PAFAH1B2: variants seen among roughly 807,000 people sequenced by gnomAD.
PAFAH1B2 encodes the protein platelet-activating factor acetylhydrolase IB subunit alpha2.
PAFAH1B2 carries 8 observed loss-of-function variants against 28.0 expected under a neutral mutation model. The observed-to-expected ratio is 0.29, with a 90% CI of 0.17 to 0.52. The LOEUF (loss-of-function observed/expected upper bound fraction) is 0.52. PAFAH1B2 is among the 20% of genes least tolerant of loss of function. PAFAH1B2 has a pLI of 0.97. For synonymous variants in PAFAH1B2, 104 were observed against 103.2 expected (o/e 1.01, Z -0.05); for missense variants, 190 against 282.6 (o/e 0.67, Z 2.35).
At position 117,168,444 on chromosome 11, in the gene PAFAH1B2, CCGTTTTTTTTTTTTTTTTTTTTTT is replaced by C. The variant is rs1239266405; in HGVS notation, c.*746_*769del. 1 of 438,060 alleles carries C rather than the reference CCGTTTTTTTTTTTTTTTTTTTTTT, an allele frequency of 2.3e-6. No homozygotes were observed. The highest frequency in any genetic ancestry group is 2.7e-6 in the Non-Finnish European group (1 of 370,204). The allele number at this position is 438,060 out of a possible 1,614,324, so 27.1% of individuals were successfully genotyped here. On this transcript the variant is annotated 3_prime_UTR_variant, in exon 6 of 6. Transcript: ENST00000527958. ...TTTCCCCTTCATTCCCCCCGCCACC[CCGTTTTTTTTTTTTTTTTTTTTTT>C]TTTGGTTCTTGTTGACATTACAAGC...
Position 117,171,013 on chromosome 11 carries a change from A to G in PAFAH1B2, c.*3314A>G. On this transcript the variant is annotated 3_prime_UTR_variant, in exon 6 of 6. Transcript: ENST00000527958. ...AGTAGAACTCATTCTGTTTTAGTGTATATTTCAATATAAATGTAAACATTT... is the reference window on the plus strand; with the variant it reads ...AGTAGAACTCATTCTGTTTTAGTGTGTATTTCAATATAAATGTAAACATTT... The G allele has an allele frequency of 1.9e-6, 2 of 1,038,216 alleles. No individual in the cohort carries two copies. Among genetic ancestry groups the G allele is most frequent in the African/African-American group, 3.4e-5 (2 of 59,678 alleles). The allele number at this position is 1,038,216 out of a possible 1,614,324, so 64.3% of individuals were successfully genotyped here. A position where few individuals can be genotyped will look rare whatever the true frequency, so the allele number is the denominator to read the frequency against.
chr11:117,166,782 A>G (rs535524606), intron 5 of PAFAH1B2, among the ~76,000 whole-genome samples: 1 of 152,346 alleles, frequency 6.6e-6, no homozygotes, highest in South Asian at 2.1e-4. Flanking sequence ...GATGATGTGT[A>G]TCTATGAGCT....
chr11:117,174,922 G>C, downstream of PAFAH1B2: 1 of 1,526,662 alleles, frequency 6.6e-7, no homozygotes, highest in Non-Finnish European at 8.8e-7. Context: ...GCCATCTTCA[G>C]GTCATTTTAA....
rs115003509 is a variant in PAFAH1B2, at chr11:117,151,145, T to A, written c.-7-1296T>A. 5.2e-3 allele frequency among the ~76,000 whole-genome samples: 786 copies of A among 152,264 alleles called. 11 individuals are homozygous for A. Among genetic ancestry groups the A allele is most frequent in the African/African-American group, 0.017 (724 of 41,558 alleles). Reference sequence around the variant, plus strand: ...TCTGGTTTCTTATTTGTCTTTCTATTTATAGAAGATTAGCAGTTCTAATTT... The same window carrying A: ...TCTGGTTTCTTATTTGTCTTTCTATATATAGAAGATTAGCAGTTCTAATTT... On this transcript the variant is annotated intron_variant, in intron 1 of 5. Transcript: ENST00000527958.
chr11:117,177,585 A>C (rs528786160), downstream of PAFAH1B2, among the ~76,000 whole-genome samples: 14 of 152,368 alleles, frequency 9.2e-5, no homozygotes, highest in Admixed American at 5.2e-4. Flanking sequence ...CCCAGGCTGG[A>C]GTGCAGGAGC....
chr11:117,170,953 GT>G lies in PAFAH1B2; in HGVS notation c.*3257del. ...AGCTGACTGGACCTCCCCATTGGAAGTTTGTGATTTTGCTTTGGCAAAGTTT... is the reference window on the plus strand; with the variant it reads ...AGCTGACTGGACCTCCCCATTGGAAGTTGTGATTTTGCTTTGGCAAAGTTT... On this transcript the variant is annotated 3_prime_UTR_variant, in exon 6 of 6. Coordinates refer to ENST00000527958, the MANE Select transcript of PAFAH1B2 (RefSeq NM_002572.4). The G allele has an allele frequency of 9.5e-7, 1 of 1,054,384 alleles. No individual in the cohort carries two copies. The highest frequency in any genetic ancestry group is 1.1e-6 in the Non-Finnish European group (1 of 872,362). The allele number at this position is 1,054,384 out of a possible 1,614,324, so 65.3% of individuals were successfully genotyped here. A position where few individuals can be genotyped will look rare whatever the true frequency, so the allele number is the denominator to read the frequency against.
chr11:117,173,851 G>A (rs1419577203), downstream of PAFAH1B2, among the ~76,000 whole-genome samples: 1 of 152,214 alleles, frequency 6.6e-6, no homozygotes, highest in East Asian at 1.9e-4. Flanking sequence ...AAGAAGTGCT[G>A]AACTCTTGCT....
At chr11:117,176,284 G>T (rs1288765500) in exon 6 of PAFAH1B2, 1 of 355,072 alleles carries the variant, frequency 2.8e-6, no homozygotes, top group African/African-American at 2.1e-5. Flanking sequence ...AGTATGCTGT[G>T]CTTGGACAGG....
intron 1 of PAFAH1B2, among the ~76,000 whole-genome samples, chr11:117,147,743 C>G (rs1372049281): frequency 6.6e-6 from 1 of 152,170 alleles, no homozygotes; most frequent in Non-Finnish European, 1.5e-5. Context: ...AAACACATTT[C>G]TGCTCAGATA....
chr11:117,170,626 TAAAAAAA>T lies in PAFAH1B2; in HGVS notation c.*2942_*2948del, dbSNP rs150627380. ...CCGGCTCTTAGGAATTTTGTCTGTT[TAAAAAAA>T]AAAAAAAAAAAAAAGTCCAACTTAC... On this transcript the variant is annotated 3_prime_UTR_variant, in exon 6 of 6. Transcript: ENST00000527958. 6.6e-5 allele frequency: 63 copies of T among 948,904 alleles called. No individual in the cohort carries two copies. Among genetic ancestry groups the T allele is most frequent in the East Asian group, 6.2e-4 (9 of 14,444 alleles). The allele number at this position is 948,904 out of a possible 1,614,324, so 58.8% of individuals were successfully genotyped here.
rs1345366520 is a variant in PAFAH1B2, at chr11:117,144,369, C to T, written c.-57C>T. 4.8e-6 allele frequency: 2 copies of T among 419,676 alleles called. No individual in the cohort carries two copies. Among genetic ancestry groups the T allele is most frequent in the African/African-American group, 2.1e-5 (1 of 47,572 alleles). The allele number at this position is 419,676 out of a possible 1,614,324, so 26.0% of individuals were successfully genotyped here. On this transcript the variant is annotated 5_prime_UTR_variant, in exon 1 of 6. Transcript: ENST00000527958. The stretch of plus-strand genomic sequence containing the variant: ...GGGACCGAGCGAGCGACCGACGCGC[C>T]ACCCGCCGACGCCTCAGCCGCTTGG...
At chr11:117,161,387 T>A in intron 4 of PAFAH1B2, 126 bp downstream of exon 4, 1 of 583,082 alleles carries the variant, frequency 1.7e-6, no homozygotes, top group Non-Finnish European at 3.0e-6. Flanking sequence ...CGTGCCTCTT[T>A]AAGGTAAATG....
downstream of PAFAH1B2, among the ~76,000 whole-genome samples, chr11:117,172,905 G>A (rs960295258): frequency 6.6e-6 from 1 of 152,148 alleles, no homozygotes; most frequent in Non-Finnish European, 1.5e-5. Flanking sequence ...GGTTCGCCAT[G>A]TTTACCAGGC....
At chr11:117,158,754 C>T (rs969877627) in intron 2 of PAFAH1B2, among the ~76,000 whole-genome samples, 1 of 151,090 alleles carries the variant, frequency 6.6e-6, no homozygotes, top group Non-Finnish European at 1.5e-5. Flanking sequence ...AGGCGATTCT[C>T]CTCCCTTAGC....
exon 6 of PAFAH1B2, chr11:117,176,175 G>T (rs935282984): frequency 9.7e-6 from 5 of 516,028 alleles, no homozygotes; most frequent in African/African-American, 5.8e-5. Flanking sequence ...TATAATGAGG[G>T]GTTGGCCAAG....
chr11:117,174,391 C>A (rs567257465), downstream of PAFAH1B2, among the ~76,000 whole-genome samples: 2 of 152,074 alleles, frequency 1.3e-5, no homozygotes, highest in African/African-American at 4.8e-5. Context: ...ACCATGTTGG[C>A]CAGGCTGGTC....
At chr11:117,155,753 C>T (rs1412080001) in intron 2 of PAFAH1B2, among the ~76,000 whole-genome samples, 1 of 152,102 alleles carries the variant, frequency 6.6e-6, no homozygotes, top group Non-Finnish European at 1.5e-5. Flanking sequence ...ACTGGCAAGT[C>T]TGTCCACAGG....
Position 117,170,920 on chromosome 11 carries a change from C to T in PAFAH1B2, c.*3221C>T. On this transcript the variant is annotated 3_prime_UTR_variant, in exon 6 of 6. Coordinates refer to ENST00000527958, the MANE Select transcript of PAFAH1B2 (RefSeq NM_002572.4). ...TCTTGGTGTTCCTGCTTGGGGATCACTGCTGCTAGCTGACTGGACCTCCCC... is the reference window on the plus strand; with the variant it reads ...TCTTGGTGTTCCTGCTTGGGGATCATTGCTGCTAGCTGACTGGACCTCCCC... 12 of 1,058,794 alleles carry T rather than the reference C, an allele frequency of 1.1e-5. No homozygotes were observed. The highest frequency in any genetic ancestry group is 1.4e-5 in the Non-Finnish European group (12 of 875,158). The allele number at this position is 1,058,794 out of a possible 1,614,324, so 65.6% of individuals were successfully genotyped here.
chr11:117,157,032 C>CAAAA (rs201278098), intron 2 of PAFAH1B2, among the ~76,000 whole-genome samples: 2 of 67,744 alleles, frequency 3.0e-5, no homozygotes, highest in African/African-American at 1.2e-4. Flanking sequence ...CTCAAAATCT[C>CAAAA]AAAAAAGAAA....
Sources: gnomAD v4.1 joint callset for allele counts (sites outside exome capture counted in the v4.1 genomes callset) on GRCh38, gnomAD v4.1.1 for gene constraint, MANE v1.5 for transcripts, NCBI Gene and HGNC (gene_info 2026-07-23, HGNC 2026-07-21) for gene names.